The following ZNF565 variants were observed in gnomAD, a reference collection of about 807,000 sequenced individuals.
ZNF565 encodes the protein zinc finger protein 565.
Under a neutral mutation model 39.4 loss-of-function variants are expected in ZNF565, and 27 were observed. The ratio of observed to expected loss-of-function variants is 0.69; its 90% CI spans 0.51 to 0.95. The LOEUF is 0.95. Ranked by LOEUF, ZNF565 falls within the 40% of genes least tolerant of loss-of-function variation. The pLI is 0.00. For missense variants in ZNF565, 524 were observed against 621.1 expected, an observed-to-expected ratio of 0.84 and a Z score of 1.66; for synonymous variants, 185 against 216.6, an observed-to-expected ratio of 0.85 and a Z score of 1.28.
At chr19:36,211,562 G>C (rs1210735227) in intron 1 of ZNF565, among the ~76,000 whole-genome samples, 1 of 152,090 alleles carries the variant, frequency 6.6e-6, no homozygotes, top group Non-Finnish European at 1.5e-5. Flanking sequence ...GGGAGGCCAA[G>C]GTGGGTGGAT....
chr19:36,195,512 T>A (rs1391375147), intron 2 of ZNF565, among the ~76,000 whole-genome samples: 1 of 150,536 alleles, frequency 6.6e-6, no homozygotes, highest in Non-Finnish European at 1.5e-5. Flanking sequence ...CAGATTAAAT[T>A]CTAATTGCCC....
chr19:36,211,305 T>C (rs1480460089), intron 1 of ZNF565, among the ~76,000 whole-genome samples: 5 of 151,150 alleles, frequency 3.3e-5, no homozygotes, highest in Non-Finnish European at 7.4e-5. Flanking sequence ...TAGCCGGGCG[T>C]GGTGGTGTGT....
At chr19:36,220,877 T>C (rs916138698) in intron 1 of ZNF565, among the ~76,000 whole-genome samples, 6 of 151,252 alleles carry the variant, frequency 4.0e-5, no homozygotes, top group African/African-American at 1.5e-4. Flanking sequence ...TTTGAGATGT[T>C]GTCTTACTCT....
At chr19:36,242,954 G>A (rs1977824320) in intron 1 of ZNF565, among the ~76,000 whole-genome samples, 1 of 152,062 alleles carries the variant, frequency 6.6e-6, no homozygotes, top group African/African-American at 2.4e-5. Flanking sequence ...TGCACCCAGT[G>A]CATTTTAAGT....
At chr19:36,197,817 A>T (rs57734651) in intron 2 of ZNF565, among the ~76,000 whole-genome samples, 25,713 of 152,152 alleles carry the variant, frequency 0.17, 2,547 homozygotes, top group Non-Finnish European at 0.22. Context: ...TACCTTGTGG[A>T]CCAGCGATAC....
At chr19:36,194,439 A>G (rs1975686115) in intron 3 of ZNF565, 111 bp from the exon 4 acceptor site, 9 of 753,516 alleles carry the variant, frequency 1.2e-5, no homozygotes, top group Non-Finnish European at 1.8e-5. Context: ...AGGTTGTCCA[A>G]AGGATAGGAA....
intron 1 of ZNF565, among the ~76,000 whole-genome samples, chr19:36,244,079 A>C (rs1317612972): frequency 6.6e-6 from 1 of 151,618 alleles, no homozygotes; most frequent in African/African-American, 2.4e-5. Flanking sequence ...CTGCTCTGCC[A>C]CTGCCGTAGC....
upstream of ZNF565, among the ~76,000 whole-genome samples, chr19:36,218,749 G>A (rs1033742786): frequency 4.0e-5 from 6 of 151,742 alleles, no homozygotes; most frequent in African/African-American, 1.5e-4. Context: ...CATTACAGGC[G>A]TGAGCCACTG....
In ZNF565 at chr19:36,210,698, C is replaced by T. The variant is rs553868573; in HGVS notation, c.-66+3924G>A. Among the ~76,000 whole-genome samples the T allele has an allele frequency of 2.6e-4, 39 of 151,090 alleles. No individual in the cohort carries two copies. The East Asian group carries it at 7.3e-3, about 28-fold the overall frequency. On this transcript the variant is annotated intron_variant, in intron 1 of 4. Coordinates refer to ENST00000304116, the MANE Select transcript of ZNF565 (RefSeq NM_152477.5). Reference sequence around the variant, plus strand: ...GGAATGCAGTGGTGTAATCTTGGCTCGCTGCAACCTCCGCCTCCCGGGCTC... The same window carrying T: ...GGAATGCAGTGGTGTAATCTTGGCTTGCTGCAACCTCCGCCTCCCGGGCTC...
Position 36,183,527 on chromosome 19 carries a change from C to G in ZNF565, c.439G>C (p.Val147Leu). 2 of 1,614,220 alleles carry G rather than the reference C, an allele frequency of 1.2e-6. No homozygotes were observed. Among genetic ancestry groups the G allele is most frequent in the Non-Finnish European group, 8.5e-7 (1 of 1,180,034 alleles). Residue 147 changes from valine (V) to leucine (L), a missense_variant, in exon 5 of 5, where the codon GTG (valine) becomes CTG (leucine). Physicochemically the swap from Val to Leu is conservative, Grantham distance 32. Transcript: ENST00000304116. ...GTGTGAGACGTGTGATGCTGGAACA[C>G]GGGCATATGTCCATAGGTGACGTTC... is the stretch of plus-strand genomic sequence containing the variant. Reference protein sequence around the residue: ...QVNVTYGHMPVFQHHTSHTVR... With the variant: ...QVNVTYGHMPLFQHHTSHTVR...
intron 1 of ZNF565, among the ~76,000 whole-genome samples, chr19:36,240,986 A>T (rs1209928594): frequency 6.6e-6 from 1 of 152,196 alleles, no homozygotes; most frequent in Non-Finnish European, 1.5e-5. Context: ...CCATGGGATG[A>T]CATAACAAGA....
chr19:36,216,210 T>C (rs960970550), upstream of ZNF565, among the ~76,000 whole-genome samples: 3 of 152,114 alleles, frequency 2.0e-5, no homozygotes, highest in East Asian at 5.8e-4. Flanking sequence ...AGATAAAGTA[T>C]TGTGGAAGAA....
chr19:36,183,128 C>G lies in ZNF565; in HGVS notation c.838G>C (p.Val280Leu). The G allele has an allele frequency of 2.5e-6, 4 of 1,614,128 alleles. No homozygotes were observed. The highest frequency in any genetic ancestry group is 3.4e-6 in the Non-Finnish European group (4 of 1,180,012). ...AAAGCCTTGCCACAGTCTTTACATACGTAGGGTTTCTCGCCTGTGTGAGTT... is the reference window on the plus strand; with the variant it reads ...AAAGCCTTGCCACAGTCTTTACATAGGTAGGGTTTCTCGCCTGTGTGAGTT... ...QRTHTGEKPY[V>L]CKDCGKAFIR... is the part of the protein sequence containing the mutation. Residue 280 changes from valine (V) to leucine (L), a missense_variant, in exon 5 of 5, where the codon GTA (valine) becomes CTA (leucine). Physicochemically the swap from Val to Leu is conservative, Grantham distance 32 (BLOSUM62 1). Transcript: ENST00000304116.
upstream of ZNF565, among the ~76,000 whole-genome samples, chr19:36,217,428 C>T (rs1976658514): frequency 6.6e-6 from 1 of 152,006 alleles, no homozygotes; most frequent in South Asian, 2.1e-4. Context: ...AGTTCATGCC[C>T]ATCAGTGGGA....
Position 36,182,398 on chromosome 19 carries a change from T to C in ZNF565, c.*68A>G, listed in dbSNP as rs16970932. ...ACATTAATTACACTACATTAAAAAT[T>C]ACCTAGTACTGAGCCAGATGTGAAC... On this transcript the variant is annotated 3_prime_UTR_variant, in exon 5 of 5. Coordinates refer to ENST00000304116, the MANE Select transcript of ZNF565 (RefSeq NM_152477.5). 0.069 allele frequency: 93,329 copies of C among 1,356,222 alleles called. 3,981 individuals are homozygous for C. The highest frequency in any genetic ancestry group is 0.19 in the African/African-American group (12,906 of 69,022). 84.0% of individuals were successfully genotyped at this position (1,356,222 alleles called of 1,614,324 possible).
At chr19:36,221,032 T>C (rs1976813189) in intron 1 of ZNF565, among the ~76,000 whole-genome samples, 1 of 151,806 alleles carries the variant, frequency 6.6e-6, no homozygotes, top group Admixed American at 6.6e-5. Flanking sequence ...TTTGTATTTC[T>C]AGTAGAGACA....
intron 2 of ZNF565, among the ~76,000 whole-genome samples, chr19:36,200,407 CTA>C (rs1975914216): frequency 6.6e-6 from 1 of 151,926 alleles, no homozygotes; most frequent in South Asian, 2.1e-4. Context: ...AAACATAACT[CTA>C]TTGTCAAAAT....
chr19:36,229,755 T>C (rs987082764), intron 1 of ZNF565, among the ~76,000 whole-genome samples: 1 of 152,238 alleles, frequency 6.6e-6, no homozygotes, highest in African/African-American at 2.4e-5. Flanking sequence ...AGTTTTGCTT[T>C]GTCACCCAGG....
upstream of ZNF565, among the ~76,000 whole-genome samples, chr19:36,215,814 A>G (rs1199030761): frequency 1.3e-5 from 2 of 152,202 alleles, no homozygotes; most frequent in Non-Finnish European, 2.9e-5. Flanking sequence ...AAGCAATCCC[A>G]TATAACGGCG....
Sources: gnomAD v4.1 joint callset for allele counts (sites outside exome capture counted in the v4.1 genomes callset) on GRCh38, gnomAD v4.1.1 for gene constraint, MANE v1.5 for transcripts, NCBI Gene and HGNC (gene_info 2026-07-23, HGNC 2026-07-21) for gene names.